Variants in BNIP2 observed in about 807,000 individuals in gnomAD.
The protein encoded by BNIP2 is BCL2 interacting protein 2.
BNIP2 carries 36 observed loss-of-function variants against 43.4 expected under a neutral mutation model. That is an observed-to-expected ratio of 0.83 (90% CI 0.64 to 1.10). The LOEUF (loss-of-function observed/expected upper bound fraction) is 1.10. Ranked by LOEUF, BNIP2 falls within the 50% of genes least tolerant of loss-of-function variation. The probability of loss-of-function intolerance (pLI) is 0.00; values close to 1 mark genes in which losing one functional copy is unlikely to be tolerated. For synonymous variants in BNIP2, 146 were observed against 121.0 expected, an observed-to-expected ratio of 1.21 and a Z score of -1.35; for missense variants, 417 against 374.1, an observed-to-expected ratio of 1.11 and a Z score of -0.95.
chr15:59,670,120 C>CT (rs1157931558), intron 7 of BNIP2, among the ~76,000 whole-genome samples: 1 of 152,174 alleles, frequency 6.6e-6, no homozygotes, highest in Admixed American at 6.5e-5. Flanking sequence ...AAGATTACAA[C>CT]TAAATAAGCA....
rs1230866381 is a variant in BNIP2, at chr15:59,660,880, A to C, written c.*3189T>G. 1 of 152,250 alleles carries C rather than the reference A, an allele frequency of 6.6e-6. No individual in the cohort carries two copies. The highest frequency in any genetic ancestry group is 1.9e-4 in the East Asian group (1 of 5,198). 9.4% of individuals were successfully genotyped at this position (152,250 alleles called of 1,614,324 possible). ...CTCGAACTTGCTTCTGTATGAAGAG[A>C]CAAAGAAAGAGAAAATATGAATTCT... On this transcript the variant is annotated 3_prime_UTR_variant, in exon 10 of 10. Coordinates refer to ENST00000607373, the MANE Select transcript of BNIP2 (RefSeq NM_004330.4).
chr15:59,686,956 G>C (rs1894056902), intron 1 of BNIP2, among the ~76,000 whole-genome samples: 1 of 152,226 alleles, frequency 6.6e-6, no homozygotes. Flanking sequence ...GGCAGAGGTT[G>C]CAGTGAGCCG....
At chr15:59,666,012 C>T (rs1164506777) in intron 9 of BNIP2, among the ~76,000 whole-genome samples, 1 of 152,064 alleles carries the variant, frequency 6.6e-6, no homozygotes, top group Non-Finnish European at 1.5e-5. Context: ...TATATCAAAT[C>T]CTCTTAACAT....
chr15:59,686,876 G>A (rs984867513), intron 1 of BNIP2, among the ~76,000 whole-genome samples: 3 of 152,158 alleles, frequency 2.0e-5, no homozygotes, highest in Non-Finnish European at 4.4e-5. Context: ...AATTAGCCAG[G>A]AGTGGTGGCA....
Position 59,679,704 on chromosome 15 carries a change from T to G in BNIP2, c.183A>C (p.Thr61=). The change falls in exon 4 of 10, where the codon ACA becomes ACC. Residue 61 remains threonine (T), a synonymous_variant. Transcript: ENST00000607373. ...KKLMAPDISL[T]LDPSDGSVLS... is the part of the protein sequence containing the mutation. ...ATACAGAGCCATCACTAGGATCCAG[T>G]GTCAGGCTAATGTCTGGAGCCATTA... 1 of 1,604,264 alleles carries G rather than the reference T, an allele frequency of 6.2e-7. No homozygotes were observed.
chr15:59,678,589 T>C, intron 4 of BNIP2: 1 of 1,118,506 alleles, frequency 8.9e-7, no homozygotes, highest in Non-Finnish European at 1.1e-6. Context: ...CAGAAATGTA[T>C]TTATAATACT....
At position 59,689,222 on chromosome 15, in the gene BNIP2, G is replaced by C. The variant is rs949668865; in HGVS notation, c.-145C>G. 1 of 1,541,112 alleles carries C rather than the reference G, an allele frequency of 6.5e-7. No individual in the cohort carries two copies. The highest frequency in any genetic ancestry group is 8.7e-7 in the Non-Finnish European group (1 of 1,146,344). On this transcript the variant is annotated 5_prime_UTR_variant, in exon 1 of 10. Coordinates refer to ENST00000607373, the MANE Select transcript of BNIP2 (RefSeq NM_004330.4). ...CGGCCAGGTCGCAAAAAGCAGGGCC[G>C]AGCGGAGCCCGCTCCCCTCGGTCGG...
intron 9 of BNIP2, chr15:59,665,371 G>C (rs1892510892): frequency 6.6e-6 from 1 of 152,174 alleles, no homozygotes; most frequent in South Asian, 2.1e-4. Flanking sequence ...CAGCACTTTG[G>C]AAGGCCGAGG....
chr15:59,663,308 CCATATATA>C lies in BNIP2; in HGVS notation c.*753_*760del, dbSNP rs1282216943. On this transcript the variant is annotated 3_prime_UTR_variant, in exon 10 of 10. Coordinates refer to ENST00000607373, the MANE Select transcript of BNIP2 (RefSeq NM_004330.4). ...ACTTTGGGCCAGAAGATAAAATGTCCCATATATACATATATACAAACCCTAATTCCTAC... is the reference window on the plus strand; with the variant it reads ...ACTTTGGGCCAGAAGATAAAATGTCCCATATATACAAACCCTAATTCCTAC... The C allele has an allele frequency of 6.6e-6, 1 of 152,234 alleles. No individual in the cohort carries two copies. Among genetic ancestry groups the C allele is most frequent in the African/African-American group, 2.4e-5 (1 of 41,424 alleles). 9.4% of individuals were successfully genotyped at this position (152,234 alleles called of 1,614,324 possible).
intron 5 of BNIP2, chr15:59,677,703 T>C (rs1893394637): frequency 8.7e-7 from 1 of 1,152,118 alleles, no homozygotes; most frequent in Non-Finnish European, 1.1e-6. Flanking sequence ...ATATTTTCCA[T>C]TAGTGCCCCT....
At chr15:59,678,282 T>G in intron 4 of BNIP2, 195 bp from the exon 5 acceptor site, 2 of 1,306,370 alleles carry the variant, frequency 1.5e-6, no homozygotes, top group Non-Finnish European at 1.9e-6. Context: ...AAATCATGGT[T>G]CTTTAACTTT....
intron 9 of BNIP2, among the ~76,000 whole-genome samples, chr15:59,666,598 C>T (rs530312724): frequency 2.0e-5 from 3 of 152,246 alleles, no homozygotes; most frequent in African/African-American, 7.2e-5. Flanking sequence ...ACCCGGGAGG[C>T]AGAGATTGCA....
Position 59,662,100 on chromosome 15 carries a change from CA to C in BNIP2, c.*1968del, listed in dbSNP as rs1287911015. 6.6e-6 allele frequency: 1 copy of C among 151,902 alleles called. No individual in the cohort carries two copies. Among genetic ancestry groups the C allele is most frequent in the Non-Finnish European group, 1.5e-5 (1 of 67,962 alleles). 9.4% of individuals were successfully genotyped at this position (151,902 alleles called of 1,614,324 possible). ...TGCAAAATCAAAAATCAAAATAATGCAAAAAAGAGTTGAAGTTATTCTTCAT... is the reference window on the plus strand; with the variant it reads ...TGCAAAATCAAAAATCAAAATAATGCAAAAAGAGTTGAAGTTATTCTTCAT... On this transcript the variant is annotated 3_prime_UTR_variant, in exon 10 of 10. Transcript: ENST00000607373.
chr15:59,662,197 G>A lies in BNIP2; in HGVS notation c.*1872C>T, dbSNP rs116268453. The A allele has an allele frequency of 3.0e-3, 454 of 152,254 alleles. 2 individuals are homozygous for A. Among genetic ancestry groups the A allele is most frequent in the African/African-American group, 0.01 (430 of 41,536 alleles). The allele number at this position is 152,254 out of a possible 1,614,324, so 9.4% of individuals were successfully genotyped here. A position where few individuals can be genotyped will look rare whatever the true frequency, so the allele number is the denominator to read the frequency against. ...CCTATTAAAAACCTCAGCCCATTTT[G>A]AGCAAGATAAAGATGTACAGATGAA... On this transcript the variant is annotated 3_prime_UTR_variant, in exon 10 of 10. Transcript: ENST00000607373.
At chr15:59,683,767 C>A (rs1008539039) in intron 1 of BNIP2, among the ~76,000 whole-genome samples, 1 of 152,106 alleles carries the variant, frequency 6.6e-6, no homozygotes, top group African/African-American at 2.4e-5. Flanking sequence ...TGCAGCGAGC[C>A]GAGGTCACAC....
At chr15:59,670,839 C>T (rs532713548) in intron 7 of BNIP2, among the ~76,000 whole-genome samples, 2 of 152,090 alleles carry the variant, frequency 1.3e-5, no homozygotes, top group South Asian at 2.1e-4. Context: ...TTCAGGAGGC[C>T]GAGGCGGGTG....
chr15:59,680,427 G>T, intron 2 of BNIP2, 119 bp from the exon 3 acceptor site: 2 of 775,138 alleles, frequency 2.6e-6, no homozygotes, highest in Non-Finnish European at 3.8e-6. Context: ...ATAAAGCAGT[G>T]TTGTTGTTTT....
chr15:59,676,693 G>T, intron 5 of BNIP2: 1 of 681,032 alleles, frequency 1.5e-6, no homozygotes, highest in Non-Finnish European at 2.5e-6. Context: ...GCATGAAACG[G>T]CTAGGGCAGG....
At chr15:59,678,257 G>T in intron 4 of BNIP2, 170 bp from the exon 5 acceptor site, 2 of 1,341,694 alleles carry the variant, frequency 1.5e-6, no homozygotes, top group Non-Finnish European at 1.9e-6. Context: ...ACATGAGGCT[G>T]TTTTATGTCT....
Sources: gnomAD v4.1 joint callset for allele counts (sites outside exome capture counted in the v4.1 genomes callset) on GRCh38, gnomAD v4.1.1 for gene constraint, MANE v1.5 for transcripts, NCBI Gene and HGNC (gene_info 2026-07-23, HGNC 2026-07-21) for gene names.